Variants in PAPLN observed in about 807,000 individuals in gnomAD.
PAPLN encodes the protein papilin, proteoglycan like sulfated glycoprotein.
In PAPLN, 146 loss-of-function variants were observed where a neutral mutation model predicts 159.0. That is an observed-to-expected ratio of 0.92 (90% CI 0.80 to 1.05). The LOEUF (loss-of-function observed/expected upper bound fraction) is 1.05. PAPLN is among the 50% of genes least tolerant of loss of function. PAPLN has a pLI of 0.00. For synonymous variants in PAPLN, 734 were observed against 702.9 expected (o/e 1.04, Z -0.70); for missense variants, 1,720 against 1,743.9 (o/e 0.99, Z 0.24).
chr14:73,240,835 GC>G (rs766278935), intron 2 of PAPLN, among the ~76,000 whole-genome samples: 10 of 152,308 alleles, frequency 6.6e-5, no homozygotes, highest in Non-Finnish European at 1.2e-4. Context: ...GCTGGGTGTT[GC>G]CCTGGCTCAG....
intron 5 of PAPLN, 86 bp from the exon 6 acceptor site, chr14:73,249,898 T>C (rs553134414): frequency 6.9e-7 from 1 of 1,438,970 alleles, no homozygotes; most frequent in African/African-American, 1.4e-5. Flanking sequence ...TGACCCATGC[T>C]TTCCTGTTGC....
At chr14:73,244,316 C>T (rs1883943426) in intron 2 of PAPLN, 1 of 239,208 alleles carries the variant, frequency 4.2e-6, no homozygotes, top group Non-Finnish European at 8.3e-6. Flanking sequence ...CACGGTTAAC[C>T]TACAAATGCC....
intron 1 of PAPLN, among the ~76,000 whole-genome samples, chr14:73,239,059 G>A (rs540021154): frequency 1.3e-5 from 2 of 152,260 alleles, no homozygotes; most frequent in African/African-American, 4.8e-5. Flanking sequence ...GACCCGCCCC[G>A]CACACTGCAC....
In PAPLN at chr14:73,248,247, CTATG is replaced by C. The variant is rs1212867897; in HGVS notation, c.335-1735_335-1732del. On this transcript the variant is annotated intron_variant, in intron 5 of 26. Coordinates refer to ENST00000644200, the MANE Select transcript of PAPLN (RefSeq NM_001365906.3). Reference sequence around the variant, plus strand: ...TGGCCCAGTGGGAGTCTCATATCCTCTATGTGTGTGTGTGTGTGTGTGTGTGTTG... The same window carrying C: ...TGGCCCAGTGGGAGTCTCATATCCTCTGTGTGTGTGTGTGTGTGTGTGTTG... Among the ~76,000 whole-genome samples, 10 of 80,090 alleles carry C rather than the reference CTATG, an allele frequency of 1.2e-4. 1 individual carries two copies. Among genetic ancestry groups the C allele is most frequent in the Non-Finnish European group, 2.6e-4 (10 of 38,224 alleles). The allele number at this position is 80,090 out of a possible 152,430, so 52.5% of individuals were successfully genotyped here. A position where few individuals can be genotyped will look rare whatever the true frequency, so the allele number is the denominator to read the frequency against.
At position 73,244,719 on chromosome 14, in the gene PAPLN, G is replaced by C. The variant is rs752909391; in HGVS notation, c.130G>C (p.Gly44Arg). 35 of 1,594,174 alleles carry C rather than the reference G, an allele frequency of 2.2e-5. No individual in the cohort carries two copies. In the Admixed American group the frequency reaches 5.9e-4, roughly 27 times the overall value. The part of the protein sequence containing the change: ...QWSPCSRTCG[G>R]GVSFRERPCY... Reference sequence around the variant, plus strand: ...GAGCCCCTGCAGCCGGACCTGTGGAGGGGGTGTCAGCTTCCGGGAGCGCCC... The same window carrying C: ...GAGCCCCTGCAGCCGGACCTGTGGACGGGGTGTCAGCTTCCGGGAGCGCCC... Residue 44 changes from glycine (G) to arginine (R), a missense_variant, in exon 3 of 27, where the codon GGG (glycine) becomes CGG (arginine). Coordinates refer to ENST00000644200, the MANE Select transcript of PAPLN (RefSeq NM_001365906.3).
intron 11 of PAPLN, 82 bp from the exon 12 acceptor site, chr14:73,253,672 T>C (rs2140245914): frequency 7.5e-7 from 1 of 1,341,558 alleles, no homozygotes; most frequent in East Asian, 2.3e-5. Context: ...AGGCCACCTG[T>C]GTGAGTGAGG....
chr14:73,237,986 G>C (rs1451977603), intron 1 of PAPLN, among the ~76,000 whole-genome samples: 2 of 152,164 alleles, frequency 1.3e-5, no homozygotes, highest in Non-Finnish European at 2.9e-5. Flanking sequence ...GAGCCCCAGC[G>C]GCTGCCGGCA....
chr14:73,265,397 G>C lies in PAPLN; in HGVS notation c.3153G>C (p.Arg1051=), dbSNP rs146264952. The change falls in exon 23 of 27, where the codon CGG becomes CGC. Residue 1051 remains arginine (R), a synonymous_variant. Coordinates refer to ENST00000644200, the MANE Select transcript of PAPLN (RefSeq NM_001365906.3). This position sits in a 1 kb window ranked among gnomAD's most constrained non-coding sequence, Gnocchi z 4.1. ...TGCGTTTGGACCAGAACCAGCCCCG[G>C]GTGGTGGATGCCAGTCCAGGCCAGC... ...NRLRLDQNQP[R]VVDASPGQRI... 2,934 of 1,611,642 alleles carry C rather than the reference G, an allele frequency of 1.8e-3. 5 individuals are homozygous for C. Among genetic ancestry groups the C allele is most frequent in the Non-Finnish European group, 2.3e-3 (2,770 of 1,179,996 alleles).
intron 19 of PAPLN, chr14:73,263,165 C>T (rs1445989083): frequency 1.2e-5 from 4 of 341,568 alleles, no homozygotes; most frequent in South Asian, 1.2e-4. Flanking sequence ...CTCCAAGCCT[C>T]AGTTTCTTGA....
intron 5 of PAPLN, 132 bp from the exon 6 acceptor site, chr14:73,249,852 G>A: frequency 1.0e-6 from 1 of 998,152 alleles, no homozygotes; most frequent in Non-Finnish European, 1.4e-6. Context: ...GATGGGGCGG[G>A]GATCTGTGCT....
At chr14:73,251,118 G>GT (rs1224199408) in intron 7 of PAPLN, 88 bp downstream of exon 7, 8 of 1,520,256 alleles carry the variant, frequency 5.3e-6, no homozygotes, top group Non-Finnish European at 7.0e-6. Flanking sequence ...CTAGACTCCA[G>GT]GCCAAGTGGC....
chr14:73,266,725 G>A lies in PAPLN; in HGVS notation c.3394G>A (p.Glu1132Lys). ...CAATGACTTGTCCTTGTGCCCAGGG[G>A]AGCTGACAATCTCAGGACTGCCCCC... ...QRWVQLRVLGELTISGLPPTV... is the reference protein window; with the variant it reads ...QRWVQLRVLGKLTISGLPPTV... Residue 1132 changes from glutamate (E) to lysine (K), a missense_variant and splice_region_variant, in exon 25 of 27, where the codon GAG (glutamate) becomes AAG (lysine). Transcript: ENST00000644200. 6.2e-7 allele frequency: 1 copy of A among 1,614,122 alleles called. No individual in the cohort carries two copies. Among genetic ancestry groups the A allele is most frequent in the African/African-American group, 1.3e-5 (1 of 75,036 alleles).
In PAPLN at chr14:73,272,539, C is replaced by T. The variant is rs138608210; in HGVS notation, c.3712C>T (p.Gln1238Ter). 4 of 1,587,494 alleles carry T rather than the reference C, an allele frequency of 2.5e-6. No homozygotes were observed. Among genetic ancestry groups the T allele is most frequent in the Non-Finnish European group, 3.5e-6 (4 of 1,158,898 alleles). ...PRDPGRDCVD[Q>*]PELANCDLIL... ...GGACCCTGGCAGGGACTGCGTCGACCAGCCAGAGCTGGCCAACTGTGATTT... is the reference window on the plus strand; with the variant it reads ...GGACCCTGGCAGGGACTGCGTCGACTAGCCAGAGCTGGCCAACTGTGATTT... Residue 1238 changes from glutamine (Q) to a stop codon, truncating the protein, a stop_gained, in exon 27 of 27, where the codon CAG (glutamine) becomes TAG (stop). Transcript: ENST00000644200. LOFTEE classifies it high-confidence loss of function.
chr14:73,263,977 TGTG>T (rs745707054), intron 20 of PAPLN, 195 bp downstream of exon 20: 14 of 1,239,542 alleles, frequency 1.1e-5, no homozygotes, highest in African/African-American at 3.6e-5. Flanking sequence ...CTCTGACAGG[TGTG>T]TGTGACAGCC....
chr14:73,239,741 CG>C (rs775259481), intron 1 of PAPLN, 31 bp from the exon 2 acceptor site: 2 of 1,549,414 alleles, frequency 1.3e-6, no homozygotes, highest in South Asian at 1.2e-5. Flanking sequence ...GCGGGAGCCC[CG>C]GGCCGCTCTA....
intron 26 of PAPLN, 22 bp downstream of exon 26, chr14:73,268,745 G>C: frequency 1.3e-6 from 2 of 1,579,568 alleles, no homozygotes; most frequent in Non-Finnish European, 1.7e-6. Context: ...CTATATCCGG[G>C]GATGGGAAGG....
rs1884278524 is a variant in PAPLN, at chr14:73,246,166, T to C, written c.325T>C (p.Tyr109His). The change falls in exon 5 of 27, where the codon TAC (tyrosine) becomes CAC (histidine). Residue 109 changes from tyrosine to histidine, a missense_variant. By Grantham distance (83) the Tyr-to-His change is moderately conservative. Coordinates refer to ENST00000644200, the MANE Select transcript of PAPLN (RefSeq NM_001365906.3). ...GGGGCGGCGGTATCGGTGGCTGCCC[T>C]ACTACAGCGGTGAGCGCGGCCGGGA... ...FQGRRYRWLP[Y>H]YSAPNKCELN... is the part of the protein sequence containing the mutation. 2 of 1,583,424 alleles carry C rather than the reference T, an allele frequency of 1.3e-6. No individual in the cohort carries two copies. The highest frequency in any genetic ancestry group is 1.7e-6 in the Non-Finnish European group (2 of 1,168,404).
chr14:73,249,194 A>G (rs1426903142), intron 5 of PAPLN, among the ~76,000 whole-genome samples: 1 of 152,182 alleles, frequency 6.6e-6, no homozygotes, highest in African/African-American at 2.4e-5. Context: ...CACTGTTAGC[A>G]TTTCATTTTA....
At position 73,245,448 on chromosome 14, in the gene PAPLN, T is replaced by C; in HGVS notation, c.171-188T>C. 1.6e-6 allele frequency: 1 copy of C among 612,456 alleles called. No individual in the cohort carries two copies. Among genetic ancestry groups the C allele is most frequent in the Admixed American group, 3.0e-5 (1 of 33,384 alleles). The allele number at this position is 612,456 out of a possible 1,614,324, so 37.9% of individuals were successfully genotyped here. On this transcript the variant is annotated intron_variant, in intron 3 of 26. Transcript: ENST00000644200. The surrounding 1 kb of genome is among the most constrained non-coding windows in gnomAD (Gnocchi z 4.2). ...GGTGGGTAGGGCTCTGAGTCCCGCT[T>C]CTCTGGAGTACCAACATGGGTCGCT...
Sources: allele counts gnomAD v4.1 joint callset (sites outside exome capture counted in the v4.1 genomes callset), GRCh38; gene constraint gnomAD v4.1.1; non-coding constraint Gnocchi (gnomAD v3.1); transcripts MANE v1.5; gene names NCBI Gene and HGNC (gene_info 2026-07-23, HGNC 2026-07-21).